Variants in XPO1 observed in about 807,000 individuals in gnomAD.
XPO1 encodes the protein exportin 1.
Under a neutral mutation model 133.3 loss-of-function variants are expected in XPO1, and 5 were observed. The ratio of observed to expected loss-of-function variants is 0.04; its 90% confidence interval spans 0.02 to 0.08. The LOEUF (loss-of-function observed/expected upper bound fraction) is 0.08, where lower values mean the gene tolerates loss of function less well. Ranked by LOEUF, XPO1 falls within the 10% of genes least tolerant of loss-of-function variation. The probability of loss-of-function intolerance (pLI) is 1.00; values close to 1 mark genes in which losing one functional copy is unlikely to be tolerated. For synonymous variants in XPO1, 419 were observed against 408.2 expected (o/e 1.03, Z -0.32); for missense variants, 506 against 1,267.5 (o/e 0.40, Z 9.12).
chr2:61,520,618 C>T (rs1698643436), intron 4 of XPO1, among the ~76,000 whole-genome samples: 1 of 152,078 alleles, frequency 6.6e-6, no homozygotes, highest in Non-Finnish European at 1.5e-5. Context: ...GCACTCCAGC[C>T]TGAGGAACAG....
intron 17 of XPO1, among the ~76,000 whole-genome samples, 174 bp from the exon 18 acceptor site, chr2:61,488,945 C>CA (rs978799037): frequency 1.4e-4 from 21 of 151,562 alleles, no homozygotes; most frequent in Admixed American, 4.6e-4. Flanking sequence ...ACTAAAAATA[C>CA]AAAAAAAATA....
intron 3 of XPO1, chr2:61,525,836 C>G: frequency 9.6e-7 from 1 of 1,042,644 alleles, no homozygotes; most frequent in Non-Finnish European, 1.2e-6. Context: ...GTGTATTAAA[C>G]AGAATGCCAT....
At chr2:61,512,994 G>A (rs1475136010) in intron 4 of XPO1, among the ~76,000 whole-genome samples, 1 of 152,136 alleles carries the variant, frequency 6.6e-6, no homozygotes, top group Non-Finnish European at 1.5e-5. Context: ...GCATGACTCT[G>A]TCTCAAATAA....
At chr2:61,501,814 T>A (rs1233319258) in intron 6 of XPO1, among the ~76,000 whole-genome samples, 182 bp downstream of exon 6, 2 of 151,934 alleles carry the variant, frequency 1.3e-5, no homozygotes, top group East Asian at 3.8e-4. Flanking sequence ...TTAACGTTAT[T>A]TGATGATTAC....
chr2:61,501,970 A>C, intron 6 of XPO1, 26 bp downstream of exon 6: 2 of 1,558,334 alleles, frequency 1.3e-6, no homozygotes, highest in South Asian at 2.3e-5. Flanking sequence ...AATTCTTCTA[A>C]GGAAAACAGT....
At chr2:61,500,647 A>C (rs1697464896) in intron 6 of XPO1, among the ~76,000 whole-genome samples, 1 of 151,594 alleles carries the variant, frequency 6.6e-6, no homozygotes, top group Non-Finnish European at 1.5e-5. Context: ...AAAAATACAA[A>C]AATTAGCCAG....
chr2:61,488,136 A>C, intron 19 of XPO1, 29 bp downstream of exon 19: 1 of 1,589,662 alleles, frequency 6.3e-7, no homozygotes, highest in Non-Finnish European at 8.6e-7. Flanking sequence ...TCAACACTAG[A>C]AATCAAAAGC....
intron 2 of XPO1, among the ~76,000 whole-genome samples, chr2:61,528,748 T>C (rs1699025585): frequency 6.2e-5 from 1 of 16,210 alleles, no homozygotes; most frequent in South Asian, 1.7e-3. Context: ...TATATATATA[T>C]ATATATATAT....
intron 6 of XPO1, among the ~76,000 whole-genome samples, chr2:61,500,918 G>A (rs1697482109): frequency 1.3e-5 from 2 of 152,204 alleles, no homozygotes; most frequent in African/African-American, 4.8e-5. Context: ...AAATGTAGTA[G>A]GGTTTGGATA....
At chr2:61,493,729 G>C (rs1484936826) in intron 12 of XPO1, 165 bp downstream of exon 12, 15 of 734,408 alleles carry the variant, frequency 2.0e-5, no homozygotes, top group Non-Finnish European at 2.9e-5. Flanking sequence ...GAGAATCAAG[G>C]TTCTAGACTC....
intron 6 of XPO1, among the ~76,000 whole-genome samples, chr2:61,500,947 G>T (rs543127605): frequency 6.6e-6 from 1 of 152,272 alleles, no homozygotes; most frequent in African/African-American, 2.4e-5. Context: ...TAAAAGAGAG[G>T]ACGCACTGCA....
At position 61,482,034 on chromosome 2, in the gene XPO1, C is replaced by CTTTTT. The variant is rs1195049382; in HGVS notation, c.2972+341_2972+345dup. On this transcript the variant is annotated intron_variant, in intron 23 of 24. Transcript: ENST00000401558. ...ACAGTCATGAGCCACCGTGCGTGGCCTTTTTTTTTTTTTTTTTTTTTTTGC... is the reference window on the plus strand; with the variant it reads ...ACAGTCATGAGCCACCGTGCGTGGCCTTTTTTTTTTTTTTTTTTTTTTTTTTTTGC... 3.2e-3 allele frequency among the ~76,000 whole-genome samples: 228 copies of CTTTTT among 71,342 alleles called. 2 individuals are homozygous for CTTTTT. The highest frequency in any genetic ancestry group is 0.011 in the African/African-American group (221 of 20,378). 46.8% of individuals were successfully genotyped at this position (71,342 alleles called of 152,430 possible).
intron 16 of XPO1, among the ~76,000 whole-genome samples, chr2:61,491,496 A>ACACACAC (rs1491477036): frequency 6.8e-6 from 1 of 147,250 alleles, no homozygotes; most frequent in African/African-American, 2.6e-5. Context: ...ACACACACAC[A>ACACACAC]CCCCAAAACA....
At chr2:61,498,819 T>C (rs1697364649) in intron 8 of XPO1, 27 bp from the exon 9 acceptor site, 1 of 1,610,990 alleles carries the variant, frequency 6.2e-7, no homozygotes, top group Non-Finnish European at 8.5e-7. Context: ...TTGTAAATAA[T>C]TGCTTTCCTA....
chr2:61,491,924 T>C, intron 16 of XPO1, 111 bp downstream of exon 16: 2 of 1,317,326 alleles, frequency 1.5e-6, no homozygotes, highest in South Asian at 3.0e-5. Flanking sequence ...GAAAATTTAA[T>C]CAGAAACACT....
intron 4 of XPO1, among the ~76,000 whole-genome samples, chr2:61,518,953 T>C (rs914621780): frequency 6.6e-6 from 1 of 152,222 alleles, no homozygotes; most frequent in Non-Finnish European, 1.5e-5. Flanking sequence ...TTTCTAATTA[T>C]GTCTATCTTT....
At chr2:61,489,310 G>A (rs1446575065) in intron 17 of XPO1, among the ~76,000 whole-genome samples, 2 of 151,238 alleles carry the variant, frequency 1.3e-5, no homozygotes, top group African/African-American at 2.4e-5. Context: ...CCACTTGGGA[G>A]GCTGAGGCAG....
chr2:61,516,786 G>A (rs1166588355), intron 4 of XPO1, among the ~76,000 whole-genome samples: 1 of 151,838 alleles, frequency 6.6e-6, no homozygotes, highest in African/African-American at 2.4e-5. Context: ...ACAATCCCTT[G>A]GTTTAAATAA....
At chr2:61,509,183 T>TA (rs1697968352) in intron 4 of XPO1, among the ~76,000 whole-genome samples, 1 of 151,372 alleles carries the variant, frequency 6.6e-6, no homozygotes, top group Non-Finnish European at 1.5e-5. Flanking sequence ...TTTTTTTTTT[T>TA]AGGTAAAGAC....
Sources: allele counts gnomAD v4.1 joint callset (sites outside exome capture counted in the v4.1 genomes callset), GRCh38; gene constraint gnomAD v4.1.1; transcripts MANE v1.5; gene names NCBI Gene and HGNC (gene_info 2026-07-23, HGNC 2026-07-21).